The following LHFPL2 variants were observed in gnomAD, a reference collection of about 807,000 sequenced individuals.
The protein encoded by LHFPL2 is LHFPL tetraspan subfamily member 2.
Under a neutral mutation model 17.5 loss-of-function variants are expected in LHFPL2, and 7 were observed. That is an observed-to-expected ratio of 0.40 (90% CI 0.23 to 0.75). LHFPL2 has a LOEUF of 0.75. Ranked by LOEUF, LHFPL2 falls within the 30% of genes least tolerant of loss-of-function variation. The pLI is 0.37. For synonymous variants in LHFPL2, 134 were observed against 116.2 expected, an observed-to-expected ratio of 1.15 and a Z score of -0.99; for missense variants, 241 against 294.8, an observed-to-expected ratio of 0.82 and a Z score of 1.34.
chr5:78,621,715 T>C (rs1744862862), intron 2 of LHFPL2, among the ~76,000 whole-genome samples: 1 of 152,198 alleles, frequency 6.6e-6, no homozygotes, highest in Admixed American at 6.5e-5. Context: ...AAAACCACAA[T>C]TCCCTCAGTG....
At position 78,627,824 on chromosome 5, in the gene LHFPL2, G is replaced by A. The variant is rs142549141; in HGVS notation, c.-245+4440C>T. ...ACTCCGAATAATGCTCAACTCAAAG[G>A]AATTTGTCCGATGACCACTATGCTG... On this transcript the variant is annotated intron_variant, in intron 2 of 4. Coordinates refer to ENST00000380345, the MANE Select transcript of LHFPL2 (RefSeq NM_005779.3). 8.2e-3 allele frequency among the ~76,000 whole-genome samples: 1,249 copies of A among 152,288 alleles called. 9 individuals are homozygous for A. Among genetic ancestry groups the A allele is most frequent in the Non-Finnish European group, 0.012 (832 of 68,032 alleles).
intron 3 of LHFPL2, among the ~76,000 whole-genome samples, chr5:78,533,053 T>C (rs1561325667): frequency 6.6e-6 from 1 of 152,146 alleles, no homozygotes; most frequent in Non-Finnish European, 1.5e-5. Context: ...CTGAGTCCAC[T>C]CACAGCCTTA....
intron 2 of LHFPL2, among the ~76,000 whole-genome samples, chr5:78,612,386 T>TAGTC (rs1410745033): frequency 6.6e-6 from 1 of 152,238 alleles, no homozygotes; most frequent in Non-Finnish European, 1.5e-5. Flanking sequence ...TGCCATTGTA[T>TAGTC]AGTCATTCCT....
intron 3 of LHFPL2, among the ~76,000 whole-genome samples, chr5:78,544,374 T>A (rs955579913): frequency 3.0e-4 from 45 of 152,144 alleles, no homozygotes; most frequent in Admixed American, 1.1e-3. Context: ...TGGTTTTGCA[T>A]CATTACAGGT....
At chr5:78,544,754 CACACACACACACACACGTAT>C (rs1023901227) in intron 3 of LHFPL2, among the ~76,000 whole-genome samples, 13 of 148,272 alleles carry the variant, frequency 8.8e-5, no homozygotes, top group Non-Finnish European at 1.3e-4. Context: ...CATCTTCTTA[CACACACACACACACACGTAT>C]ACACACACAC....
chr5:78,549,363 G>T (rs1756375734), intron 3 of LHFPL2, among the ~76,000 whole-genome samples: 1 of 152,226 alleles, frequency 6.6e-6, no homozygotes, highest in Non-Finnish European at 1.5e-5. Flanking sequence ...AAGTCAGAAG[G>T]CCAGCCCAGA....
chr5:78,639,305 T>C (rs994863336), intron 1 of LHFPL2, among the ~76,000 whole-genome samples: 1 of 152,182 alleles, frequency 6.6e-6, no homozygotes, highest in Admixed American at 6.5e-5. Context: ...GCCCTTTCTT[T>C]ACAATACACT....
At chr5:78,494,292 A>C (rs1359870755) in intron 4 of LHFPL2, 1 of 868,534 alleles carries the variant, frequency 1.2e-6, no homozygotes, top group Non-Finnish European at 1.4e-6. Context: ...GGAGAATGAC[A>C]CTGGCCAGCC....
intron 4 of LHFPL2, among the ~76,000 whole-genome samples, chr5:78,509,398 C>G (rs895593058): frequency 6.6e-6 from 1 of 152,210 alleles, no homozygotes; most frequent in Admixed American, 6.5e-5. Context: ...AAAGTGCTTG[C>G]TGCAGGTGGG....
intron 2 of LHFPL2, chr5:78,625,171 G>A (rs74496476): frequency 0.018 from 2,728 of 151,610 alleles, 87 homozygotes; most frequent in African/African-American, 0.062. Flanking sequence ...GTGACCAAAC[G>A]TGACCTTCCA....
Position 78,489,062 on chromosome 5 carries a change from G to A in LHFPL2, c.522C>T (p.Tyr174=). 6.2e-7 allele frequency: 1 copy of A among 1,614,240 alleles called. No individual in the cohort carries two copies. The highest frequency in any genetic ancestry group is 8.5e-7 in the Non-Finnish European group (1 of 1,180,042). ...AGCCCAAGGAGCAGTCTCCAGGTTTGTAGGCAGATGCATAATGTCCACAGT... is the reference window on the plus strand; with the variant it reads ...AGCCCAAGGAGCAGTCTCCAGGTTTATAGGCAGATGCATAATGTCCACAGT... The part of the protein sequence containing the change: ...IDYCGHYASA[Y]KPGDCSLGWA... Residue 174 remains tyrosine, a synonymous_variant, in exon 5 of 5, where the codon TAC becomes TAT. Transcript: ENST00000380345.
intron 3 of LHFPL2, among the ~76,000 whole-genome samples, chr5:78,563,902 G>C (rs1213891969): frequency 6.6e-6 from 1 of 152,146 alleles, no homozygotes; most frequent in East Asian, 1.9e-4. Context: ...AGTAGAAGTT[G>C]TTAGAACAAC....
At chr5:78,599,303 AGC>A (rs149977824) in intron 2 of LHFPL2, among the ~76,000 whole-genome samples, 171 of 151,452 alleles carry the variant, frequency 1.1e-3, no homozygotes, top group African/African-American at 3.9e-3. Flanking sequence ...TTGGGCGGGG[AGC>A]ACAGGGGGTT....
intron 1 of LHFPL2, chr5:78,641,927 A>ACACACACACACACG (rs1745678462): frequency 6.6e-6 from 1 of 151,736 alleles, no homozygotes; most frequent in Non-Finnish European, 1.5e-5. Flanking sequence ...ACACACACAC[A>ACACACACACACACG]CACACACACA....
chr5:78,548,471 G>A (rs1401011038), intron 3 of LHFPL2, among the ~76,000 whole-genome samples: 1 of 152,200 alleles, frequency 6.6e-6, no homozygotes, highest in Admixed American at 6.5e-5. Context: ...TGCCCCTGGA[G>A]CCAGTAATAA....
intron 4 of LHFPL2, among the ~76,000 whole-genome samples, chr5:78,504,237 C>T (rs1358789062): frequency 1.3e-5 from 2 of 152,168 alleles, no homozygotes; most frequent in East Asian, 3.9e-4. Context: ...GCTGTTCCCT[C>T]TACTCTCCCC....
chr5:78,586,025 G>A (rs1165750400), intron 2 of LHFPL2, among the ~76,000 whole-genome samples: 1 of 152,170 alleles, frequency 6.6e-6, no homozygotes, highest in African/African-American at 2.4e-5. Flanking sequence ...TCTCTAAAGG[G>A]CTTGAGGATG....
At chr5:78,609,473 AAAAG>A (rs1440314215) in intron 2 of LHFPL2, among the ~76,000 whole-genome samples, 2 of 145,394 alleles carry the variant, frequency 1.4e-5, no homozygotes, top group African/African-American at 5.6e-5. Context: ...AAAAAAAAAA[AAAAG>A]AGAGAGAGCT....
At chr5:78,540,080 G>A (rs1050360603) in intron 3 of LHFPL2, among the ~76,000 whole-genome samples, 4 of 152,126 alleles carry the variant, frequency 2.6e-5, no homozygotes, top group African/African-American at 7.2e-5. Context: ...GTGCACACAC[G>A]TACACAATTT....
Sources: gnomAD v4.1 joint callset for allele counts (sites outside exome capture counted in the v4.1 genomes callset) on GRCh38, gnomAD v4.1.1 for gene constraint, MANE v1.5 for transcripts, NCBI Gene and HGNC (gene_info 2026-07-23, HGNC 2026-07-21) for gene names.